The following ZNF853 variants were observed in gnomAD, a reference collection of about 807,000 sequenced individuals.
ZNF853 encodes zinc finger protein 853.
A neutral mutation model predicts 94.7 loss-of-function variants in ZNF853; 57 were observed. The observed-to-expected ratio is 0.60, with a 90% CI of 0.49 to 0.75. The LOEUF (loss-of-function observed/expected upper bound fraction) is 0.75. Ranked by LOEUF, ZNF853 falls within the 30% of genes least tolerant of loss-of-function variation. The probability of loss-of-function intolerance (pLI) is 0.00; values close to 1 mark genes in which losing one functional copy is unlikely to be tolerated. For missense variants in ZNF853, 785 were observed against 868.9 expected (o/e 0.90, Z 1.21); for synonymous variants, 448 against 406.3 (o/e 1.10, Z -1.23).
intron 2 of ZNF853, among the ~76,000 whole-genome samples, chr7:6,619,030 G>A: frequency 0.097 from 12,186 of 125,386 alleles, 654 homozygotes; most frequent in South Asian, 0.2. Flanking sequence ...CTCCCTTGGT[G>A]GATTTTTTTT....
At chr7:6,617,606 C>T in intron 2 of ZNF853, 1 of 985,442 alleles carries the variant, frequency 1.0e-6, no homozygotes, top group Non-Finnish European at 1.2e-6. Context: ...CCACCATCCT[C>T]CCACCTGGCC....
In ZNF853 at chr7:6,622,379, C is replaced by A. The variant is rs1197370268; in HGVS notation, c.1388C>A (p.Pro463Gln). 1.4e-6 allele frequency: 2 copies of A among 1,396,726 alleles called. No individual in the cohort carries two copies. The highest frequency in any genetic ancestry group is 5.3e-4 in the Middle Eastern group (2 of 3,794). The allele number at this position is 1,396,726 out of a possible 1,614,324, so 86.5% of individuals were successfully genotyped here. The stretch of plus-strand genomic sequence containing the variant: ...CCGGCCGTGGTGGCCATCCCGGGCC[C>A]GGCAGGCAGCGCGGCGTTGACCCCT... ...AAPAVVAIPG[P>Q]AGSAALTPAR... The change falls in exon 3 of 3, where the codon CCG (proline) becomes CAG (glutamine). Residue 463 changes from proline to glutamine, a missense_variant. By Grantham distance (76) the Pro-to-Gln change is moderately conservative (BLOSUM62 -1). Coordinates refer to ENST00000457543, the MANE Select transcript of ZNF853 (RefSeq NM_017560.3).
chr7:6,616,294 G>C, intron 1 of ZNF853, 108 bp downstream of exon 1: 6 of 1,170,326 alleles, frequency 5.1e-6, no homozygotes, highest in Non-Finnish European at 6.0e-6. Context: ...GGCCAGCTCT[G>C]CACGGGCCAG....
rs1238559394 is a variant in ZNF853, at chr7:6,621,731, A to T, written c.740A>T (p.Gln247Leu). Residue 247 changes from glutamine to leucine, a missense_variant, in exon 3 of 3, where the codon CAG (glutamine) becomes CTG (leucine). Transcript: ENST00000457543. ...QQQQLLLLQQ[Q>L]GQLQQQLLQQ... ...CAGCAGCTACTATTGCTGCAGCAGC[A>T]GGGACAGTTACAGCAGCAACTGTTG... 1 of 1,550,924 alleles carries T rather than the reference A, an allele frequency of 6.4e-7. No individual in the cohort carries two copies.
intron 2 of ZNF853, chr7:6,617,727 C>T: frequency 3.2e-4 from 262 of 822,226 alleles, no homozygotes; most frequent in Admixed American, 3.7e-4. Context: ...CTTCTTCTCC[C>T]CTGTGGCCTC....
rs953627980 is a variant in ZNF853, at chr7:6,622,509, G to A, written c.1518G>A (p.Thr506=). The A allele has an allele frequency of 1.4e-5, 22 of 1,546,492 alleles. No individual in the cohort carries two copies. The highest frequency in any genetic ancestry group is 1.9e-5 in the Non-Finnish European group (22 of 1,145,950). Residue 506 remains threonine (T), a synonymous_variant, in exon 3 of 3, where the codon ACG becomes ACA. Coordinates refer to ENST00000457543, the MANE Select transcript of ZNF853 (RefSeq NM_017560.3). ...CGGACCTGGTGCGCCACCAGGCCAC[G>A]CACACGGGTGAGCGGCCACACCGCT... ...RSTDLVRHQA[T]HTGERPHRCG... is the part of the protein sequence containing the mutation.
In ZNF853 at chr7:6,621,214, G is replaced by A; in HGVS notation, c.223G>A (p.Ala75Thr). 1 of 1,538,976 alleles carries A rather than the reference G, an allele frequency of 6.5e-7. No homozygotes were observed. The highest frequency in any genetic ancestry group is 1.2e-5 in the South Asian group (1 of 81,694). The change falls in exon 3 of 3, where the codon GCC (alanine) becomes ACC (threonine). Residue 75 changes from alanine (A) to threonine (T), a missense_variant. Transcript: ENST00000457543. ...QRPAVSAPVG[A>T]SEIAEETRPG... ...GCCAGCAGTCTCGGCCCCAGTGGGG[G>A]CCAGTGAAATCGCTGAGGAAACCCG... is the stretch of plus-strand genomic sequence containing the variant.
At chr7:6,619,676 T>G in intron 2 of ZNF853, among the ~76,000 whole-genome samples, 1 of 152,136 alleles carries the variant, frequency 6.6e-6, no homozygotes, top group African/African-American at 2.4e-5. Context: ...ACATATGATG[T>G]TATAGGGAGA....
chr7:6,621,094 T>G, intron 2 of ZNF853, 28 bp from the exon 3 acceptor site: 1 of 1,462,260 alleles, frequency 6.8e-7, no homozygotes, highest in Non-Finnish European at 9.0e-7. Context: ...GATCTTTCTC[T>G]CTTGGCTTCC....
chr7:6,617,065 A>T, intron 1 of ZNF853, 125 bp from the exon 2 acceptor site: 1 of 623,120 alleles, frequency 1.6e-6, no homozygotes, highest in South Asian at 2.1e-5. Flanking sequence ...TAGTTGCAGC[A>T]GGTATGGAGC....
chr7:6,619,143 A>C, intron 2 of ZNF853, among the ~76,000 whole-genome samples: 1 of 148,900 alleles, frequency 6.7e-6, no homozygotes, highest in Non-Finnish European at 1.5e-5. Flanking sequence ...GGGTTCAAGC[A>C]GTTCTCCTGC....
In ZNF853 at chr7:6,623,438, T is replaced by C; in HGVS notation, c.*467T>C. The C allele has an allele frequency of 2.5e-6, 1 of 398,410 alleles. No homozygotes were observed. The highest frequency in any genetic ancestry group is 6.3e-4 in the Middle Eastern group (1 of 1,588). The allele number at this position is 398,410 out of a possible 1,614,324, so 24.7% of individuals were successfully genotyped here. A position where few individuals can be genotyped will look rare whatever the true frequency, so the allele number is the denominator to read the frequency against. ...AAATTCGGGGAGGAAGCAAACTTGT[T>C]TGCACTATGTAGAAACTGACCAAGG... is the stretch of plus-strand genomic sequence containing the variant. On this transcript the variant is annotated 3_prime_UTR_variant, in exon 3 of 3. Transcript: ENST00000457543.
Position 6,616,022 on chromosome 7 carries a change from G to C in ZNF853, c.-153G>C, listed in dbSNP as rs1041835163. ...CAGCCCAGAGGGCGTGGACCCTCCGGAGTGCCCAGAAAGCCCCCGGGGTGG... is the reference window on the plus strand; with the variant it reads ...CAGCCCAGAGGGCGTGGACCCTCCGCAGTGCCCAGAAAGCCCCCGGGGTGG... On this transcript the variant is annotated 5_prime_UTR_variant, in exon 1 of 3. Transcript: ENST00000457543. 3.1e-6 allele frequency: 2 copies of C among 640,206 alleles called. No individual in the cohort carries two copies. The highest frequency in any genetic ancestry group is 3.7e-5 in the African/African-American group (2 of 53,474). The allele number at this position is 640,206 out of a possible 1,614,324, so 39.7% of individuals were successfully genotyped here.
Position 6,623,636 on chromosome 7 carries a change from A to C in ZNF853, c.*665A>C. 1 of 301,068 alleles carries C rather than the reference A, an allele frequency of 3.3e-6. No homozygotes were observed. The highest frequency in any genetic ancestry group is 6.1e-6 in the Non-Finnish European group (1 of 164,946). 18.6% of individuals were successfully genotyped at this position (301,068 alleles called of 1,614,324 possible). ...AAGTCCTGCTCCGGGTGGAAGGTAAAACCTTCCCTCCAGGGAACCAGGGGC... is the reference window on the plus strand; with the variant it reads ...AAGTCCTGCTCCGGGTGGAAGGTAACACCTTCCCTCCAGGGAACCAGGGGC... On this transcript the variant is annotated 3_prime_UTR_variant, in exon 3 of 3. Transcript: ENST00000457543.
chr7:6,622,376 G>T lies in ZNF853; in HGVS notation c.1385G>T (p.Gly462Val), dbSNP rs1456252323. The T allele has an allele frequency of 1.4e-6, 2 of 1,402,942 alleles. No individual in the cohort carries two copies. The highest frequency in any genetic ancestry group is 2.9e-5 in the South Asian group (2 of 68,790). 86.9% of individuals were successfully genotyped at this position (1,402,942 alleles called of 1,614,324 possible). A position where few individuals can be genotyped will look rare whatever the true frequency, so the allele number is the denominator to read the frequency against. The change falls in exon 3 of 3, where the codon GGC becomes GTC. Residue 462 changes from glycine (G) to valine (V), a missense_variant. Gly to Val is a moderately radical substitution (Grantham distance 109). Transcript: ENST00000457543. The stretch of plus-strand genomic sequence containing the variant: ...GCGCCGGCCGTGGTGGCCATCCCGG[G>T]CCCGGCAGGCAGCGCGGCGTTGACC... ...VAAPAVVAIP[G>V]PAGSAALTPA...
chr7:6,622,929 G>A lies in ZNF853; in HGVS notation c.1938G>A (p.Glu646=), dbSNP rs1313098558. The A allele has an allele frequency of 3.2e-6, 4 of 1,252,762 alleles. No homozygotes were observed. The highest frequency in any genetic ancestry group is 3.0e-6 in the Non-Finnish European group (3 of 1,001,160). 77.6% of individuals were successfully genotyped at this position (1,252,762 alleles called of 1,614,324 possible). A position where few individuals can be genotyped will look rare whatever the true frequency, so the allele number is the denominator to read the frequency against. The change falls in exon 3 of 3, where the codon GAG becomes GAA. Residue 646 remains glutamate, a synonymous_variant. Transcript: ENST00000457543. ...CCCTCGGTGGCCCAGCCCGCGCGGA[G>A]CAGGCCGCTACAGCCACTGCGCCCG... ...PAALGGPARA[E]QAATATAPAD...
chr7:6,620,002 T>C, intron 2 of ZNF853, among the ~76,000 whole-genome samples: 15 of 152,222 alleles, frequency 9.9e-5, no homozygotes, highest in African/African-American at 3.6e-4. Context: ...AAACCAATCC[T>C]AACCTTCAGA....
chr7:6,620,752 G>T, intron 2 of ZNF853, among the ~76,000 whole-genome samples: 2 of 152,130 alleles, frequency 1.3e-5, no homozygotes, highest in South Asian at 4.1e-4. Context: ...CTCCTTAGTA[G>T]CTGGGACTAC....
In ZNF853 at chr7:6,622,355, C is replaced by A; in HGVS notation, c.1364C>A (p.Pro455Gln). 1 of 1,444,198 alleles carries A rather than the reference C, an allele frequency of 6.9e-7. No homozygotes were observed. Among genetic ancestry groups the A allele is most frequent in the Non-Finnish European group, 9.0e-7 (1 of 1,106,808 alleles). 89.5% of individuals were successfully genotyped at this position (1,444,198 alleles called of 1,614,324 possible). A position where few individuals can be genotyped will look rare whatever the true frequency, so the allele number is the denominator to read the frequency against. Residue 455 changes from proline to glutamine, a missense_variant, in exon 3 of 3, where the codon CCG (proline) becomes CAG (glutamine). Transcript: ENST00000457543. ...ELMVLPAVAA[P>Q]AVVAIPGPAG... ...ATGGTGCTGCCCGCCGTGGCAGCGC[C>A]GGCCGTGGTGGCCATCCCGGGCCCG...
Sources: gnomAD v4.1 joint callset for allele counts (sites outside exome capture counted in the v4.1 genomes callset) on GRCh38, gnomAD v4.1.1 for gene constraint, MANE v1.5 for transcripts, NCBI Gene and HGNC (gene_info 2026-07-23, HGNC 2026-07-21) for gene names.